Variants in SPTBN4 observed in about 807,000 individuals in gnomAD.
The protein encoded by SPTBN4 is spectrin beta, non-erythrocytic 4.
A neutral mutation model predicts 277.8 loss-of-function variants in SPTBN4; 96 were observed. The ratio of observed to expected loss-of-function variants is 0.35; its 90% CI spans 0.29 to 0.41. The LOEUF (loss-of-function observed/expected upper bound fraction) is 0.41, where lower values mean the gene tolerates loss of function less well. Among genes scored for constraint, SPTBN4 ranks in the 10% least tolerant of loss-of-function variants. The pLI is 1.00. For synonymous variants in SPTBN4, 1,481 were observed against 1,580.3 expected (o/e 0.94, Z 1.49); for missense variants, 3,006 against 3,595.7 (o/e 0.84, Z 4.19).
chr19:40,528,205 G>A (rs1193291014), intron 17 of SPTBN4, among the ~76,000 whole-genome samples: 1 of 152,122 alleles, frequency 6.6e-6, no homozygotes, highest in Non-Finnish European at 1.5e-5. Context: ...GGATGCATGG[G>A]AGCCCATGTG....
intron 19 of SPTBN4, 110 bp from the exon 20 acceptor site, chr19:40,533,970 A>T: frequency 7.3e-7 from 1 of 1,365,874 alleles, no homozygotes; most frequent in Non-Finnish European, 9.8e-7. Context: ...CCTGCCTCTG[A>T]TTCTCTTTTC....
At chr19:40,501,850 T>C (rs1599736941) in intron 7 of SPTBN4, 71 bp from the exon 8 acceptor site, 3 of 1,310,378 alleles carry the variant, frequency 2.3e-6, no homozygotes. Flanking sequence ...TCTCCATCCC[T>C]CCATCCAATA....
rs1156481645 is a variant in SPTBN4, at chr19:40,512,970, G to A, written c.2181G>A (p.Ala727=). The A allele has an allele frequency of 1.8e-5, 25 of 1,412,206 alleles. No individual in the cohort carries two copies. The highest frequency in any genetic ancestry group is 2.1e-5 in the Non-Finnish European group (23 of 1,093,272). The allele number at this position is 1,412,206 out of a possible 1,614,324, so 87.5% of individuals were successfully genotyped here. The stretch of plus-strand genomic sequence containing the variant: ...TGCGGTGTGGCGAGGAGCTGGTTGC[G>A]GCCGGCGGTGCCGTCGGCCCGGGAG... The part of the protein sequence containing the change: ...QALRCGEELV[A]AGGAVGPGAD... The change falls in exon 14 of 36, where the codon GCG becomes GCA. Residue 727 remains alanine, a synonymous_variant. Transcript: ENST00000598249.
intron 20 of SPTBN4, among the ~76,000 whole-genome samples, chr19:40,542,279 C>A (rs952491404): frequency 6.6e-6 from 1 of 152,174 alleles, no homozygotes; most frequent in Non-Finnish European, 1.5e-5. Context: ...TTCCTCATGT[C>A]CTCCTTGTGT....
At chr19:40,574,176 T>C (rs1242251252) in intron 35 of SPTBN4, among the ~76,000 whole-genome samples, 2 of 151,928 alleles carry the variant, frequency 1.3e-5, no homozygotes, top group Non-Finnish European at 2.9e-5. Context: ...CCTGGGTGGG[T>C]AGCCCAGGCC....
chr19:40,523,089 G>A (rs1405382594), intron 16 of SPTBN4, among the ~76,000 whole-genome samples: 2 of 152,160 alleles, frequency 1.3e-5, no homozygotes, highest in African/African-American at 4.8e-5. Context: ...AGCCGGGATT[G>A]CACCACTGCA....
chr19:40,524,461 C>T (rs900363097), intron 17 of SPTBN4: 4 of 371,574 alleles, frequency 1.1e-5, no homozygotes, highest in African/African-American at 8.3e-5. Flanking sequence ...GAACTGTGAT[C>T]ATATCACTGC....
At chr19:40,529,165 T>C in intron 18 of SPTBN4, 34 bp downstream of exon 18, 2 of 1,565,628 alleles carry the variant, frequency 1.3e-6, no homozygotes, top group East Asian at 2.2e-5. Flanking sequence ...GACGGAGACA[T>C]CCCCTTTAGT....
intron 5 of SPTBN4, among the ~76,000 whole-genome samples, chr19:40,494,670 C>T (rs1400886421): frequency 6.6e-6 from 1 of 151,446 alleles, no homozygotes; most frequent in Non-Finnish European, 1.5e-5. Context: ...ATGTATCTAC[C>T]TATCTCTCTC....
Position 40,570,626 on chromosome 19 carries a change from G to A in SPTBN4, c.7217G>A (p.Gly2406Asp). ...TCGCGCTCCGCCCCGGCCCAGGGCG[G>A]CTCCGCCCCCGCGCCTCCGCCACCG... ...RRSRSAPAQG[G>D]SAPAPPPPPT... Residue 2406 changes from glycine to aspartate, a missense_variant, in exon 33 of 36, where the codon GGC becomes GAC. Around this residue, in one of 5 missense-constraint regions of SPTBN4, gnomAD observed 630 missense variants for 677.6 expected, o/e 0.93. Transcript: ENST00000598249. 1.3e-6 allele frequency: 2 copies of A among 1,482,802 alleles called. No homozygotes were observed. The highest frequency in any genetic ancestry group is 1.8e-6 in the Non-Finnish European group (2 of 1,116,772). The allele number at this position is 1,482,802 out of a possible 1,614,324, so 91.9% of individuals were successfully genotyped here.
At chr19:40,523,753 T>TG (rs2080557048) in intron 17 of SPTBN4, 114 bp downstream of exon 17, 14 of 966,732 alleles carry the variant, frequency 1.4e-5, no homozygotes, top group Non-Finnish European at 2.0e-5. Flanking sequence ...TCTGCTTCTC[T>TG]GGGGCTCTTT....
chr19:40,529,195 G>T (rs1033388820), intron 18 of SPTBN4, 64 bp downstream of exon 18: 2 of 1,477,720 alleles, frequency 1.4e-6, no homozygotes, highest in Admixed American at 1.7e-5. Flanking sequence ...AGTGCTTCTC[G>T]GCCGAGGTGG....
In SPTBN4 at chr19:40,556,087, G is replaced by A. The variant is rs778228271; in HGVS notation, c.5088G>A (p.Glu1696=). 1 of 1,610,158 alleles carries A rather than the reference G, an allele frequency of 6.2e-7. No individual in the cohort carries two copies. Among genetic ancestry groups the A allele is most frequent in the Admixed American group, 1.7e-5 (1 of 59,914 alleles). The change falls in exon 25 of 36, where the codon GAG becomes GAA. Residue 1696 remains glutamate, a synonymous_variant. Coordinates refer to ENST00000598249, the MANE Select transcript of SPTBN4 (RefSeq NM_020971.3). ...GCCCCTCCATGTCCCCCTTCAGCGA[G>A]CAGATCAGCCGGCGGCAGTCTCAGG... is the stretch of plus-strand genomic sequence containing the variant. ...ALLEMGHPDS[E]QISRRQSQVD...
intron 27 of SPTBN4, 82 bp from the exon 28 acceptor site, chr19:40,565,341 T>C (rs2081081079): frequency 1.3e-6 from 2 of 1,514,696 alleles, no homozygotes; most frequent in Non-Finnish European, 8.9e-7. Flanking sequence ...CCTCAAGGAT[T>C]TGGGGTCACC....
chr19:40,519,781 A>G lies in SPTBN4; in HGVS notation c.3284A>G (p.His1095Arg). The G allele has an allele frequency of 2.8e-6, 4 of 1,427,292 alleles. No individual in the cohort carries two copies. Among genetic ancestry groups the G allele is most frequent in the Non-Finnish European group, 3.6e-6 (4 of 1,104,616 alleles). The allele number at this position is 1,427,292 out of a possible 1,614,324, so 88.4% of individuals were successfully genotyped here. A position where few individuals can be genotyped will look rare whatever the true frequency, so the allele number is the denominator to read the frequency against. The change falls in exon 16 of 36, where the codon CAT becomes CGT. Residue 1095 changes from histidine to arginine, a missense_variant. By Grantham distance (29) the His-to-Arg change is conservative. Coordinates refer to ENST00000598249, the MANE Select transcript of SPTBN4 (RefSeq NM_020971.3). The surrounding 1 kb of genome is among the most constrained non-coding windows in gnomAD (Gnocchi z 5.7). Reference sequence around the variant, plus strand: ...GCAGGGCGCCTGCAGCGCTTCCTACATGACCTCGACGCTTTCCTGGACTGG... The same window carrying G: ...GCAGGGCGCCTGCAGCGCTTCCTACGTGACCTCGACGCTTTCCTGGACTGG... ...AAAGRLQRFL[H>R]DLDAFLDWLV...
rs1483234658 is a variant in SPTBN4 at position 40,502,624 on chromosome 19, A to T, written c.1203+117A>T. On this transcript the variant is annotated intron_variant, in intron 10 of 35. Transcript: ENST00000598249. This position sits in a 1 kb window ranked among gnomAD's most constrained non-coding sequence, Gnocchi z 4.9. ...TGATGGATTAGATATTCATTCTGACAGTTTTTCAGTAGTAAAGTGTCATAA... is the reference window on the plus strand; with the variant it reads ...TGATGGATTAGATATTCATTCTGACTGTTTTTCAGTAGTAAAGTGTCATAA... 7 of 1,442,258 alleles carry T rather than the reference A, an allele frequency of 4.9e-6. No individual in the cohort carries two copies. Among genetic ancestry groups the T allele is most frequent in the Non-Finnish European group, 6.6e-6 (7 of 1,067,248 alleles). 89.3% of individuals were successfully genotyped at this position (1,442,258 alleles called of 1,614,324 possible).
chr19:40,533,894 T>C lies in SPTBN4; in HGVS notation c.4096-186T>C, dbSNP rs566604092. On this transcript the variant is annotated intron_variant, in intron 19 of 35. Transcript: ENST00000598249. ...CTTCTTGTCTCTCTTCCTTGGTTCC[T>C]TCCATTTCTGGGCCTATCTCTGCAT... Among the ~76,000 whole-genome samples the C allele has an allele frequency of 5.9e-5, 9 of 152,228 alleles. No homozygotes were observed. The East Asian group carries it at 1.7e-3, about 29-fold the overall frequency.
chr19:40,520,042 A>C lies in SPTBN4; in HGVS notation c.3545A>C (p.His1182Pro), dbSNP rs1318165057. 3 of 1,561,048 alleles carry C rather than the reference A, an allele frequency of 1.9e-6. No homozygotes were observed. In the South Asian group the frequency reaches 3.5e-5, roughly 18 times the overall value. ...EWLPHLELGW[H>P]KLLGLWEARR... ...CTGCCACACCTCGAACTTGGCTGGC[A>C]TAAACTGCTCGGCTTGTGGGAGGCG... The change falls in exon 16 of 36, where the codon CAT becomes CCT. Residue 1182 changes from histidine (H) to proline (P), a missense_variant. Physicochemically the swap from His to Pro is moderately conservative, Grantham distance 77 (BLOSUM62 -2). This residue lies in a region of SPTBN4 where 1,759 missense variants were observed against 2,061.5 expected (regional missense o/e 0.85). Transcript: ENST00000598249.
At chr19:40,526,419 G>A (rs1162980908) in intron 17 of SPTBN4, among the ~76,000 whole-genome samples, 1 of 152,002 alleles carries the variant, frequency 6.6e-6, no homozygotes, top group African/African-American at 2.4e-5. Context: ...TGATCCACCT[G>A]CCTCGGCTCC....
Sources: gnomAD v4.1 joint callset for allele counts (sites outside exome capture counted in the v4.1 genomes callset) on GRCh38, gnomAD v4.1.1 for gene constraint, gnomAD v4.1.1 regional missense constraint, Gnocchi (gnomAD v3.1) non-coding constraint, MANE v1.5 for transcripts, NCBI Gene and HGNC (gene_info 2026-07-23, HGNC 2026-07-21) for gene names.